KRT86: variants seen among roughly 807,000 people sequenced by gnomAD.
KRT86 encodes the protein keratin, type II cuticular Hb6.
A neutral mutation model predicts 41.2 loss-of-function variants in KRT86; 30 were observed. The ratio of observed to expected loss-of-function variants is 0.73; its 90% CI spans 0.54 to 0.99. KRT86 has a LOEUF of 0.99. Among genes scored for constraint, KRT86 ranks in the 50% least tolerant of loss-of-function variants. The probability of loss-of-function intolerance (pLI) is 0.00; values close to 1 mark genes in which losing one functional copy is unlikely to be tolerated. For missense variants in KRT86, 561 were observed against 571.4 expected (o/e 0.98, Z 0.19); for synonymous variants, 238 against 238.1 (o/e 1.00, Z 0.00).
chr12:52,297,489 A>G (rs1390718647), intron 2 of KRT86, among the ~76,000 whole-genome samples: 1 of 152,206 alleles, frequency 6.6e-6, no homozygotes, highest in African/African-American at 2.4e-5. Flanking sequence ...GCGATCAACT[A>G]TCTTGAGGAG....
intron 2 of KRT86, chr12:52,291,319 G>A: frequency 6.4e-7 from 1 of 1,551,510 alleles, no homozygotes; most frequent in Non-Finnish European, 8.7e-7. Flanking sequence ...CTCCGCACAC[G>A]CTGTGGCTGC....
intron 2 of KRT86, among the ~76,000 whole-genome samples, chr12:52,283,978 C>T (rs1046147065): frequency 3.6e-4 from 55 of 152,168 alleles, no homozygotes; most frequent in African/African-American, 1.2e-3. Flanking sequence ...ATTGTGGGGC[C>T]GGAGTAGGAA....
chr12:52,292,296 TTTC>T (rs1264928386), intron 2 of KRT86, among the ~76,000 whole-genome samples: 1 of 152,226 alleles, frequency 6.6e-6, no homozygotes, highest in Non-Finnish European at 1.5e-5. Context: ...TCAGCAGGAA[TTTC>T]TTAAGAATAA....
chr12:52,284,450 A>G (rs544379194), intron 2 of KRT86, among the ~76,000 whole-genome samples: 124 of 152,202 alleles, frequency 8.1e-4, no homozygotes, highest in African/African-American at 2.9e-3. Flanking sequence ...TTGGCCTCCT[A>G]AAGTGTTGAG....
chr12:52,306,519 G>A, intron 9 of KRT86: 2 of 664,390 alleles, frequency 3.0e-6, no homozygotes, highest in Middle Eastern at 4.2e-4. Flanking sequence ...TAATCTGGCA[G>A]CAGGTATTCC....
At chr12:52,300,664 G>T (rs1207527753) in intron 2 of KRT86, among the ~76,000 whole-genome samples, 1 of 152,234 alleles carries the variant, frequency 6.6e-6, no homozygotes, top group Non-Finnish European at 1.5e-5. Context: ...TCTGGCACCT[G>T]CCAAGGGTAC....
At position 52,308,705 on chromosome 12, in the gene KRT86, T is replaced by A; in HGVS notation, c.*120T>A. The A allele has an allele frequency of 1.0e-6, 1 of 984,102 alleles. No homozygotes were observed. Among genetic ancestry groups the A allele is most frequent in the Non-Finnish European group, 1.5e-6 (1 of 658,842 alleles). The allele number at this position is 984,102 out of a possible 1,614,324, so 61.0% of individuals were successfully genotyped here. On this transcript the variant is annotated 3_prime_UTR_variant, in exon 11 of 11. Transcript: ENST00000423955. ...TAGCCGCCGCCCGCTGCCTGCACTC[T>A]AAGCGCCCTCCCCACCGCTCCGCTC...
chr12:52,305,916 G>T, intron 8 of KRT86, 128 bp downstream of exon 8: 3 of 1,579,222 alleles, frequency 1.9e-6, no homozygotes, highest in Non-Finnish European at 1.7e-6. Flanking sequence ...GTCCCTGGTT[G>T]TGGTCTCTGT....
At chr12:52,285,897 A>G (rs1937912904) in intron 2 of KRT86, 1 of 354,362 alleles carries the variant, frequency 2.8e-6, no homozygotes, top group South Asian at 2.6e-5. Context: ...TAATAGAGAC[A>G]CACACAAGAC....
chr12:52,281,064 A>G (rs1214037294), intron 2 of KRT86, among the ~76,000 whole-genome samples: 1 of 152,092 alleles, frequency 6.6e-6, no homozygotes. Context: ...GATCACAAGC[A>G]ATGTTTGTGG....
chr12:52,308,079 C>A (rs1938557035), intron 9 of KRT86, 154 bp from the exon 10 acceptor site: 2 of 928,808 alleles, frequency 2.2e-6, no homozygotes, highest in Admixed American at 2.2e-5. Context: ...CTCACGGTGA[C>A]CCGAGTCTAC....
At chr12:52,304,814 TG>T in intron 5 of KRT86, 117 bp from the exon 6 acceptor site, 1 of 1,121,722 alleles carries the variant, frequency 8.9e-7, no homozygotes. Flanking sequence ...GGAGAGGGCA[TG>T]GGAATGAGAC....
At chr12:52,285,195 C>T (rs1012585274) in intron 2 of KRT86, among the ~76,000 whole-genome samples, 1 of 152,126 alleles carries the variant, frequency 6.6e-6, no homozygotes, top group Non-Finnish European at 1.5e-5. Context: ...ATACATTGCC[C>T]AACCCACTCA....
intron 2 of KRT86, 163 bp from the exon 3 acceptor site, chr12:52,301,750 C>T: frequency 7.1e-7 from 1 of 1,404,692 alleles, no homozygotes; most frequent in Non-Finnish European, 9.9e-7. Flanking sequence ...CTAAACAACC[C>T]AAGCCCATAA....
At chr12:52,283,855 G>A (rs1420199738) in intron 2 of KRT86, among the ~76,000 whole-genome samples, 1 of 151,690 alleles carries the variant, frequency 6.6e-6, no homozygotes, top group African/African-American at 2.4e-5. Context: ...CACACAGTGA[G>A]ATGTTCCATT....
At position 52,285,134 on chromosome 12, in the gene KRT86, C is replaced by G. The variant is rs117397831; in HGVS notation, c.-5+9188C>G. 8.7e-3 allele frequency among the ~76,000 whole-genome samples: 1,331 copies of G among 152,250 alleles called. 7 individuals are homozygous for G. Among genetic ancestry groups the G allele is most frequent in the Non-Finnish European group, 0.013 (909 of 68,024 alleles). The stretch of plus-strand genomic sequence containing the variant: ...CTCATCAACTTATGAGGTGGTTGCC[C>G]TTTCTATCATCCTCATTTTGGAGGT... On this transcript the variant is annotated intron_variant, in intron 2 of 10. Transcript: ENST00000423955.
At chr12:52,286,162 TA>T in intron 2 of KRT86, 4 of 982,924 alleles carry the variant, frequency 4.1e-6, no homozygotes, top group Non-Finnish European at 6.3e-6. Context: ...GCAGGAGAAG[TA>T]GCTGAGCACT....
chr12:52,283,370 G>A (rs1326354804), intron 2 of KRT86, among the ~76,000 whole-genome samples: 1 of 122,966 alleles, frequency 8.1e-6, no homozygotes, highest in Non-Finnish European at 1.6e-5. Flanking sequence ...TCCAGCCTGG[G>A]CAACAGGGTG....
chr12:52,306,083 G>A lies in KRT86; in HGVS notation c.1050G>A (p.Val350=), dbSNP rs778028956. ...AGAATTCCAAGCTGGAGGCTGCGGT[G>A]GCTCAGTCTGAGCAGCAGGGTGAGG... ...KCQNSKLEAA[V]AQSEQQGEAA... Residue 350 remains valine, a synonymous_variant, in exon 9 of 11, where the codon GTG becomes GTA. Transcript: ENST00000423955. 2 of 1,614,044 alleles carry A rather than the reference G, an allele frequency of 1.2e-6. No individual in the cohort carries two copies. The highest frequency in any genetic ancestry group is 2.2e-5 in the East Asian group (1 of 44,872).
Sources: allele counts gnomAD v4.1 joint callset (sites outside exome capture counted in the v4.1 genomes callset), GRCh38; gene constraint gnomAD v4.1.1; transcripts MANE v1.5; gene names NCBI Gene and HGNC (gene_info 2026-07-23, HGNC 2026-07-21).